The following STPG4 variants were observed in gnomAD, a reference collection of about 807,000 sequenced individuals.
STPG4 encodes sperm-tail PG-rich repeat containing 4.
A neutral mutation model predicts 31.5 loss-of-function variants in STPG4; 41 were observed. That is an observed-to-expected ratio of 1.30 (90% CI 1.01 to 1.69). The LOEUF (loss-of-function observed/expected upper bound fraction) is 1.69. STPG4 is among the 40% of genes most tolerant of loss of function. The pLI is 0.00. For synonymous variants in STPG4, 141 were observed against 103.0 expected (o/e 1.37, Z -2.24); for missense variants, 375 against 293.4 (o/e 1.28, Z -2.03).
chr2:47,154,738 T>A (rs1209572796), intron 1 of STPG4, among the ~76,000 whole-genome samples: 1 of 152,154 alleles, frequency 6.6e-6, no homozygotes, highest in Non-Finnish European at 1.5e-5. Context: ...AAGAAAAACG[T>A]AGCAAAAGTA....
chr2:47,153,076 T>G (rs571619138), intron 1 of STPG4, 60 bp from the exon 2 acceptor site: 1 of 1,284,074 alleles, frequency 7.8e-7, no homozygotes, highest in Non-Finnish European at 1.1e-6. Flanking sequence ...AAATTAAATA[T>G]AATTTATAAA....
At chr2:47,096,042 G>A (rs1471124638) in intron 5 of STPG4, among the ~76,000 whole-genome samples, 1 of 152,310 alleles carries the variant, frequency 6.6e-6, no homozygotes, top group East Asian at 1.9e-4. Context: ...TGCAGAGACT[G>A]TATACAAGAG....
intron 5 of STPG4, among the ~76,000 whole-genome samples, chr2:47,126,189 G>A (rs1686361314): frequency 6.6e-6 from 1 of 152,160 alleles, no homozygotes; most frequent in Non-Finnish European, 1.5e-5. Context: ...TGCTCAGGAT[G>A]ACTTTGGCTA....
At chr2:47,103,458 A>G (rs1028785397) in intron 5 of STPG4, among the ~76,000 whole-genome samples, 16 of 151,892 alleles carry the variant, frequency 1.1e-4, no homozygotes, top group East Asian at 1.9e-4. Flanking sequence ...TTGGTGTTCT[A>G]TAAGAGGGAC....
At chr2:47,109,843 C>T (rs894473442) in intron 5 of STPG4, among the ~76,000 whole-genome samples, 3 of 152,212 alleles carry the variant, frequency 2.0e-5, no homozygotes, top group East Asian at 1.9e-4. Context: ...GGAATGATTC[C>T]GCAGCGTTTC....
intron 3 of STPG4, among the ~76,000 whole-genome samples, chr2:47,131,157 C>T (rs1311226360): frequency 6.6e-6 from 1 of 151,776 alleles, no homozygotes; most frequent in Non-Finnish European, 1.5e-5. Flanking sequence ...GACAAAGTCT[C>T]ACTCTGTTGC....
intron 5 of STPG4, among the ~76,000 whole-genome samples, chr2:47,097,648 A>C (rs769855752): frequency 2.6e-5 from 4 of 152,188 alleles, no homozygotes; most frequent in South Asian, 2.1e-4. Flanking sequence ...AGGGGCCCTC[A>C]TCAGACACCA....
chr2:47,130,335 C>A, intron 3 of STPG4, 75 bp from the exon 4 acceptor site: 1 of 1,195,810 alleles, frequency 8.4e-7, no homozygotes, highest in Non-Finnish European at 1.2e-6. Flanking sequence ...CATTCGTAAT[C>A]TTTTATTTTA....
intron 5 of STPG4, among the ~76,000 whole-genome samples, chr2:47,116,921 A>G (rs750798531): frequency 6.6e-6 from 1 of 152,206 alleles, no homozygotes; most frequent in Non-Finnish European, 1.5e-5. Context: ...AAAGATATAA[A>G]TACAAATTTC....
At chr2:47,148,608 G>A (rs1686873816) in intron 3 of STPG4, among the ~76,000 whole-genome samples, 1 of 152,008 alleles carries the variant, frequency 6.6e-6, no homozygotes, top group Non-Finnish European at 1.5e-5. Flanking sequence ...GTATACATGT[G>A]CCATGTTGGT....
chr2:47,130,225 A>C lies in STPG4; in HGVS notation c.435T>G (p.Leu145=). The C allele has an allele frequency of 1.2e-6, 2 of 1,614,148 alleles. No individual in the cohort carries two copies. Among genetic ancestry groups the C allele is most frequent in the Non-Finnish European group, 1.7e-6 (2 of 1,179,980 alleles). Residue 145 remains leucine, a synonymous_variant, in exon 4 of 7, where the codon CTT becomes CTG. Transcript: ENST00000445927. ...AAGCATATTTGGGAACTGGTGCAGG[A>C]AGCACGTTGTATTGCCCCGGAGAAA... is the stretch of plus-strand genomic sequence containing the variant. ...LQLSPGQYNV[L]PAPVPKYASR...
At chr2:47,094,155 C>A (rs1344917572) in intron 5 of STPG4, among the ~76,000 whole-genome samples, 2 of 152,180 alleles carry the variant, frequency 1.3e-5, no homozygotes, top group Admixed American at 6.5e-5. Context: ...CAGAGGGAGG[C>A]CTCGGATTCA....
intron 3 of STPG4, among the ~76,000 whole-genome samples, chr2:47,133,959 C>T (rs763326748): frequency 5.1e-4 from 77 of 152,124 alleles, no homozygotes; most frequent in Non-Finnish European, 9.9e-4. Context: ...GCACCAAACA[C>T]CATCAATGTC....
intron 5 of STPG4, among the ~76,000 whole-genome samples, chr2:47,118,435 A>C (rs533809133): frequency 1.3e-5 from 2 of 152,312 alleles, no homozygotes; most frequent in South Asian, 4.1e-4. Context: ...CATTATGGTG[A>C]GTTGTATAAT....
At chr2:47,144,599 T>C (rs1312596707) in intron 3 of STPG4, among the ~76,000 whole-genome samples, 1 of 152,126 alleles carries the variant, frequency 6.6e-6, no homozygotes, top group African/African-American at 2.4e-5. Flanking sequence ...ATTAATAATA[T>C]ATTTCTAAAA....
intron 5 of STPG4, among the ~76,000 whole-genome samples, chr2:47,099,845 G>A (rs908229558): frequency 6.6e-6 from 1 of 152,218 alleles, no homozygotes; most frequent in Non-Finnish European, 1.5e-5. Context: ...GGGCCCTGCT[G>A]GCCCCGGGCA....
chr2:47,153,649 G>T lies in STPG4; in HGVS notation c.82-633C>A, dbSNP rs576181449. On this transcript the variant is annotated intron_variant, in intron 1 of 6. Coordinates refer to ENST00000445927, the MANE Select transcript of STPG4 (RefSeq NM_001163561.2). ...ACATGCCTGTAATCCCTCCTCAGAA[G>T]GCTGTAATCCCTACTCATGAGGCTG... Among the ~76,000 whole-genome samples the T allele has an allele frequency of 2.8e-4, 42 of 152,264 alleles. 1 individual carries two copies. The South Asian group carries it at 8.7e-3, about 32-fold the overall frequency.
rs141235464 is a variant in STPG4, at chr2:47,096,585, C to G, written c.520-6211G>C. Reference sequence around the variant, plus strand: ...TGTGCAAGTTAACAGTAGGAATTCTCTTCCATTCAACTTTCTGAACCATGA... The same window carrying G: ...TGTGCAAGTTAACAGTAGGAATTCTGTTCCATTCAACTTTCTGAACCATGA... On this transcript the variant is annotated intron_variant, in intron 5 of 6. Coordinates refer to ENST00000445927, the MANE Select transcript of STPG4 (RefSeq NM_001163561.2). Among the ~76,000 whole-genome samples, 69 of 152,338 alleles carry G rather than the reference C, an allele frequency of 4.5e-4. 1 individual carries two copies. The East Asian group carries it at 0.013, about 28-fold the overall frequency.
intron 5 of STPG4, among the ~76,000 whole-genome samples, chr2:47,103,700 A>G (rs1407808067): frequency 6.6e-6 from 1 of 151,968 alleles, no homozygotes; most frequent in Non-Finnish European, 1.5e-5. Context: ...CAATCACTGG[A>G]AGGTGCACTG....
Sources: allele counts gnomAD v4.1 joint callset (sites outside exome capture counted in the v4.1 genomes callset), GRCh38; gene constraint gnomAD v4.1.1; transcripts MANE v1.5; gene names NCBI Gene and HGNC (gene_info 2026-07-23, HGNC 2026-07-21).